Variants in RIMS1 observed in about 807,000 individuals in gnomAD.
The protein encoded by RIMS1 is regulating synaptic membrane exocytosis 1.
In RIMS1, 83 loss-of-function variants were observed where a neutral mutation model predicts 214.1. The ratio of observed to expected loss-of-function variants is 0.39; its 90% CI spans 0.32 to 0.47. The LOEUF is 0.47. Ranked by LOEUF, RIMS1 falls within the 20% of genes least tolerant of loss-of-function variation. RIMS1 has a pLI of 0.99. For missense variants in RIMS1, 2,050 were observed against 2,161.8 expected, an observed-to-expected ratio of 0.95 and a Z score of 1.03; for synonymous variants, 793 against 786.8, an observed-to-expected ratio of 1.01 and a Z score of -0.13.
At chr6:71,915,456 T>A (rs1321817665) in intron 1 of RIMS1, among the ~76,000 whole-genome samples, 1 of 152,154 alleles carries the variant, frequency 6.6e-6, no homozygotes, top group African/African-American at 2.4e-5. Flanking sequence ...ATTTTCTGAT[T>A]GTTCACATGC....
At chr6:72,137,558 AT>A (rs2041477564) in intron 4 of RIMS1, among the ~76,000 whole-genome samples, 1 of 151,514 alleles carries the variant, frequency 6.6e-6, no homozygotes, top group African/African-American at 2.4e-5. Flanking sequence ...TTTCTTGTCC[AT>A]TTGTAAGCAT....
intron 18 of RIMS1, among the ~76,000 whole-genome samples, chr6:72,259,901 G>A (rs972632256): frequency 2.0e-5 from 3 of 152,128 alleles, no homozygotes; most frequent in African/African-American, 4.8e-5. Flanking sequence ...CATGATAGTG[G>A]TGCTAAATAA....
chr6:72,367,436 T>C (rs1397367556), intron 29 of RIMS1, among the ~76,000 whole-genome samples: 1 of 152,196 alleles, frequency 6.6e-6, no homozygotes, highest in Non-Finnish European at 1.5e-5. Flanking sequence ...CCTTTTATTT[T>C]GTTATTTTCA....
intron 4 of RIMS1, among the ~76,000 whole-genome samples, chr6:72,165,324 A>C (rs1588384255): frequency 6.6e-6 from 1 of 152,116 alleles, no homozygotes; most frequent in Non-Finnish European, 1.5e-5. Context: ...CATTTCTTTT[A>C]TGTAATTCCT....
At chr6:72,183,745 C>A (rs1052583513) in intron 6 of RIMS1, among the ~76,000 whole-genome samples, 1 of 150,618 alleles carries the variant, frequency 6.6e-6, no homozygotes, top group African/African-American at 2.4e-5. Flanking sequence ...AACTTGTGGA[C>A]GAACCGGGTA....
chr6:71,954,245 A>G (rs1375590985), intron 1 of RIMS1, among the ~76,000 whole-genome samples: 2 of 152,178 alleles, frequency 1.3e-5, no homozygotes, highest in East Asian at 1.9e-4. Context: ...CAAAATATCA[A>G]TTTTAGGATT....
intron 2 of RIMS1, among the ~76,000 whole-genome samples, chr6:72,067,192 A>G (rs2152281685): frequency 6.6e-6 from 1 of 152,288 alleles, no homozygotes; most frequent in South Asian, 2.1e-4. Context: ...TGATTAAAAT[A>G]CTACAGTCAG....
intron 6 of RIMS1, among the ~76,000 whole-genome samples, chr6:72,223,824 T>C (rs2154054964): frequency 6.6e-6 from 1 of 151,880 alleles, no homozygotes; most frequent in African/African-American, 2.4e-5. Context: ...GGTGGGCACC[T>C]GTAGTCCCAG....
intron 26 of RIMS1, among the ~76,000 whole-genome samples, chr6:72,299,971 G>A (rs2094462163): frequency 6.6e-6 from 1 of 151,622 alleles, no homozygotes; most frequent in Non-Finnish European, 1.5e-5. Context: ...AAAAATACAA[G>A]TTTCTTAATA....
chr6:72,092,744 T>C (rs568088468), intron 2 of RIMS1, among the ~76,000 whole-genome samples: 206 of 152,192 alleles, frequency 1.4e-3, no homozygotes, highest in African/African-American at 4.7e-3. Context: ...CCCAGGCCAC[T>C]TAGGTATGTC....
chr6:71,949,628 G>A (rs78651046), intron 1 of RIMS1, among the ~76,000 whole-genome samples: 2,905 of 152,168 alleles, frequency 0.019, 92 homozygotes, highest in African/African-American at 0.065. Context: ...GATAATCTCC[G>A]TAAATGTTAA....
intron 2 of RIMS1, among the ~76,000 whole-genome samples, chr6:72,009,651 C>G (rs943947422): frequency 2.0e-5 from 3 of 152,142 alleles, no homozygotes; most frequent in Non-Finnish European, 4.4e-5. Flanking sequence ...GATATCACCA[C>G]TGATCCCACA....
At chr6:71,887,263 C>T in intron 1 of RIMS1, 76 bp downstream of exon 1, 19 of 1,530,160 alleles carry the variant, frequency 1.2e-5, no homozygotes, top group South Asian at 2.4e-5. Context: ...CCCTAGTCCT[C>T]GCGGCTGAGT....
At chr6:71,897,129 AC>A (rs1335342603) in intron 1 of RIMS1, among the ~76,000 whole-genome samples, 1 of 152,064 alleles carries the variant, frequency 6.6e-6, no homozygotes, top group Non-Finnish European at 1.5e-5. Context: ...TCCTCACTTC[AC>A]CCATCATCAA....
rs530898113 is a variant in RIMS1, at chr6:71,915,497, A to T, written c.164+28310A>T. ...TTCCACACACCTGTGAATCTTTTTC[A>T]CTTGAGAACACCTAGTATCCCTTGC... On this transcript the variant is annotated intron_variant, in intron 1 of 33. Transcript: ENST00000521978. Among the ~76,000 whole-genome samples the T allele has an allele frequency of 4.6e-5, 7 of 152,216 alleles. No homozygotes were observed. The South Asian group carries it at 1.2e-3, about 27-fold the overall frequency.
chr6:72,322,053 A>G (rs1389652914), intron 28 of RIMS1, among the ~76,000 whole-genome samples: 1 of 152,182 alleles, frequency 6.6e-6, no homozygotes, highest in Non-Finnish European at 1.5e-5. Flanking sequence ...CAATTTTCAA[A>G]TTCAGTGAAA....
chr6:72,076,142 A>G (rs1236299089), intron 2 of RIMS1, among the ~76,000 whole-genome samples: 1 of 152,210 alleles, frequency 6.6e-6, no homozygotes, highest in Non-Finnish European at 1.5e-5. Flanking sequence ...TGTGGCTGCT[A>G]TTTATCCAGA....
At chr6:72,149,543 T>G (rs2043225432) in intron 4 of RIMS1, among the ~76,000 whole-genome samples, 1 of 152,066 alleles carries the variant, frequency 6.6e-6, no homozygotes, top group Non-Finnish European at 1.5e-5. Flanking sequence ...GTGGGGGTGG[T>G]GGCAGAGCCC....
chr6:72,051,037 C>A (rs1824499419), intron 2 of RIMS1, among the ~76,000 whole-genome samples: 1 of 152,080 alleles, frequency 6.6e-6, no homozygotes, highest in Admixed American at 6.5e-5. Context: ...AAATTTCACA[C>A]TTGAAAAAAG....
Sources: allele counts gnomAD v4.1 joint callset (sites outside exome capture counted in the v4.1 genomes callset), GRCh38; gene constraint gnomAD v4.1.1; transcripts MANE v1.5; gene names NCBI Gene and HGNC (gene_info 2026-07-23, HGNC 2026-07-21).